The following PPM1E variants were observed in gnomAD, a reference collection of about 807,000 sequenced individuals.
The protein encoded by PPM1E is protein phosphatase 1E.
PPM1E carries 20 observed loss-of-function variants against 65.9 expected under a neutral mutation model. That is an observed-to-expected ratio of 0.30 (90% CI 0.21 to 0.44). PPM1E has a LOEUF of 0.44. PPM1E is among the 20% of genes least tolerant of loss of function. The pLI is 1.00. For synonymous variants in PPM1E, 352 were observed against 374.9 expected (o/e 0.94, Z 0.70); for missense variants, 713 against 953.1 (o/e 0.75, Z 3.32).
chr17:58,758,898 C>G (rs1321580269), intron 1 of PPM1E, among the ~76,000 whole-genome samples: 2 of 151,914 alleles, frequency 1.3e-5, no homozygotes, highest in Non-Finnish European at 2.9e-5. Flanking sequence ...GGCAAAACCC[C>G]GTCTCTACTA....
At chr17:58,811,815 C>G (rs2050371160) in intron 1 of PPM1E, among the ~76,000 whole-genome samples, 1 of 152,070 alleles carries the variant, frequency 6.6e-6, no homozygotes, top group East Asian at 1.9e-4. Context: ...GGACTATAGG[C>G]GTGTGCCACC....
At position 58,980,289 on chromosome 17, in the gene PPM1E, A is replaced by AAGG; in HGVS notation, c.1530_1532dup (p.Gly511dup). The AAGG allele has an allele frequency of 6.2e-7, 1 of 1,614,182 alleles. No homozygotes were observed. The highest frequency in any genetic ancestry group is 8.5e-7 in the Non-Finnish European group (1 of 1,180,020). On this transcript the variant is annotated inframe_insertion, in exon 7 of 7. Coordinates refer to ENST00000308249, the MANE Select transcript of PPM1E (RefSeq NM_014906.5). The surrounding 1 kb of genome is among the most constrained non-coding windows in gnomAD (Gnocchi z 4.7). The stretch of plus-strand genomic sequence containing the variant: ...TCAGATTGGACAGAGAACTCTTTTC[A>AAGG]AGGAGGGCAAGAAGATGGTGGGGAT...
intron 1 of PPM1E, among the ~76,000 whole-genome samples, chr17:58,919,716 G>A (rs916301407): frequency 1.3e-5 from 2 of 150,714 alleles, no homozygotes; most frequent in African/African-American, 4.9e-5. Flanking sequence ...GAACCAGGGA[G>A]GGGGAGGTTG....
intron 1 of PPM1E, among the ~76,000 whole-genome samples, chr17:58,908,240 G>A (rs1175106653): frequency 2.0e-5 from 3 of 150,094 alleles, no homozygotes; most frequent in Non-Finnish European, 3.0e-5. Context: ...CACCCACCAC[G>A]CCTGGCTAAT....
intron 1 of PPM1E, among the ~76,000 whole-genome samples, chr17:58,909,196 C>CA (rs1197263088): frequency 4.6e-5 from 7 of 152,004 alleles, no homozygotes; most frequent in Admixed American, 2.0e-4. Flanking sequence ...CAAATTTCCT[C>CA]AGTTTTTTTG....
chr17:58,980,654 A>T lies in PPM1E; in HGVS notation c.1891A>T (p.Asn631Tyr). The T allele has an allele frequency of 6.2e-7, 1 of 1,614,166 alleles. No individual in the cohort carries two copies. The part of the protein sequence containing the change: ...SGAGEFPTAF[N>Y]LGSTGEQIYR... ...TGCTGGAGAGTTTCCCACTGCTTTC[A>T]ATTTGGGTTCAACAGGGGAGCAGAT... Residue 631 changes from asparagine (N) to tyrosine (Y), a missense_variant, in exon 7 of 7, where the codon AAT becomes TAT. Physicochemically the swap from Asn to Tyr is moderately radical, Grantham distance 143 (BLOSUM62 -2). Coordinates refer to ENST00000308249, the MANE Select transcript of PPM1E (RefSeq NM_014906.5). The surrounding 1 kb of genome is among the most constrained non-coding windows in gnomAD (Gnocchi z 4.7).
intron 1 of PPM1E, among the ~76,000 whole-genome samples, chr17:58,769,000 T>A (rs942287960): frequency 6.6e-6 from 1 of 152,014 alleles, no homozygotes; most frequent in Non-Finnish European, 1.5e-5. Flanking sequence ...TAATTTAGAA[T>A]CCAGAAATTC....
intron 1 of PPM1E, among the ~76,000 whole-genome samples, chr17:58,823,431 AGACCT>A (rs1300248000): frequency 1.3e-5 from 2 of 152,210 alleles, no homozygotes; most frequent in Non-Finnish European, 2.9e-5. Flanking sequence ...GAAAAGGCAA[AGACCT>A]TATTTATGAT....
intron 1 of PPM1E, among the ~76,000 whole-genome samples, chr17:58,763,823 G>C (rs2049847050): frequency 6.6e-6 from 1 of 152,004 alleles, no homozygotes; most frequent in African/African-American, 2.4e-5. Flanking sequence ...GCTTATAGCT[G>C]AATATGATCT....
chr17:58,766,901 T>C (rs2049885660), intron 1 of PPM1E, among the ~76,000 whole-genome samples: 1 of 152,182 alleles, frequency 6.6e-6, no homozygotes, highest in South Asian at 2.1e-4. Flanking sequence ...ATTCACAATA[T>C]ACTTATATAT....
intron 1 of PPM1E, among the ~76,000 whole-genome samples, chr17:58,855,074 C>T (rs138808382): frequency 6.7e-4 from 102 of 152,126 alleles, no homozygotes; most frequent in African/African-American, 2.2e-3. Flanking sequence ...ATGGGTGCCC[C>T]GACACTTTTG....
intron 1 of PPM1E, among the ~76,000 whole-genome samples, chr17:58,815,051 G>T (rs531729169): frequency 6.6e-6 from 1 of 152,088 alleles, no homozygotes; most frequent in Admixed American, 6.5e-5. Context: ...TAAAGTTATT[G>T]CCATTGAATT....
chr17:58,766,321 C>T (rs976984163), intron 1 of PPM1E, among the ~76,000 whole-genome samples: 2 of 150,840 alleles, frequency 1.3e-5, no homozygotes, highest in Non-Finnish European at 2.9e-5. Flanking sequence ...CCTGACTCAG[C>T]CTCCTGAGTA....
chr17:58,947,445 C>T (rs1014313260), intron 1 of PPM1E, among the ~76,000 whole-genome samples: 3 of 151,588 alleles, frequency 2.0e-5, no homozygotes, highest in African/African-American at 7.3e-5. Context: ...CCATGTTAGC[C>T]AGGCTGGTCT....
chr17:58,933,532 A>T (rs2051930763), intron 1 of PPM1E, among the ~76,000 whole-genome samples: 1 of 152,206 alleles, frequency 6.6e-6, no homozygotes, highest in South Asian at 2.1e-4. Context: ...GTAGTGGATC[A>T]CACCTGTAAT....
At chr17:58,865,531 G>A (rs768498477) in intron 1 of PPM1E, among the ~76,000 whole-genome samples, 6 of 152,066 alleles carry the variant, frequency 3.9e-5, no homozygotes, top group Non-Finnish European at 7.3e-5. Flanking sequence ...GCAACATGGC[G>A]AAACCCGTCT....
chr17:58,919,284 GA>G (rs1162686151), intron 1 of PPM1E, among the ~76,000 whole-genome samples: 1 of 152,130 alleles, frequency 6.6e-6, no homozygotes, highest in African/African-American at 2.4e-5. Flanking sequence ...TTGATAGATG[GA>G]AAGAGGTGAT....
chr17:58,778,810 T>TG (rs1567830871), intron 1 of PPM1E, among the ~76,000 whole-genome samples: 1 of 151,612 alleles, frequency 6.6e-6, no homozygotes. Flanking sequence ...TTTGAAACTA[T>TG]GGGGAAAAAG....
chr17:58,827,661 G>T (rs1322430754), intron 1 of PPM1E, among the ~76,000 whole-genome samples: 2 of 151,838 alleles, frequency 1.3e-5, no homozygotes, highest in African/African-American at 4.8e-5. Flanking sequence ...CCAGCACTTT[G>T]GGAGGCCGAG....
Sources: gnomAD v4.1 joint callset for allele counts (sites outside exome capture counted in the v4.1 genomes callset) on GRCh38, gnomAD v4.1.1 for gene constraint, Gnocchi (gnomAD v3.1) non-coding constraint, MANE v1.5 for transcripts, NCBI Gene and HGNC (gene_info 2026-07-23, HGNC 2026-07-21) for gene names.